Variants in CFAP299 observed in about 807,000 individuals in gnomAD.
CFAP299 encodes cilia- and flagella-associated protein 299.
In CFAP299, 21 loss-of-function variants were observed where a neutral mutation model predicts 27.0. That is an observed-to-expected ratio of 0.78 (90% CI 0.55 to 1.12). The LOEUF is 1.12. CFAP299 is among the 50% of genes most tolerant of loss of function. The probability of loss-of-function intolerance (pLI) is 0.00; values close to 1 mark genes in which losing one functional copy is unlikely to be tolerated. For synonymous variants in CFAP299, 104 were observed against 98.1 expected (o/e 1.06, Z -0.36); for missense variants, 310 against 276.6 (o/e 1.12, Z -0.86).
chr4:80,584,765 A>G (rs199590845), intron 3 of CFAP299, among the ~76,000 whole-genome samples: 1 of 151,836 alleles, frequency 6.6e-6, no homozygotes, highest in Non-Finnish European at 1.5e-5. Flanking sequence ...ATTTTTTTTC[A>G]TCTATTAATT....
intron 4 of CFAP299, among the ~76,000 whole-genome samples, chr4:80,915,072 A>G (rs980040287): frequency 2.6e-5 from 4 of 151,904 alleles, no homozygotes; most frequent in Non-Finnish European, 5.9e-5. Flanking sequence ...TCCCCTAAGC[A>G]CTGCTTTGGT....
intron 3 of CFAP299, among the ~76,000 whole-genome samples, chr4:80,615,753 A>C (rs935072871): frequency 1.3e-5 from 2 of 152,090 alleles, no homozygotes; most frequent in South Asian, 2.1e-4. Context: ...TAATTTATAA[A>C]TTACTTCTAA....
At chr4:80,874,182 T>C (rs1733254987) in intron 4 of CFAP299, among the ~76,000 whole-genome samples, 1 of 152,218 alleles carries the variant, frequency 6.6e-6, no homozygotes, top group Admixed American at 6.5e-5. Context: ...TTTAAAGTTA[T>C]TAATGCTTTT....
At chr4:80,475,104 G>A (rs1269354356) in intron 2 of CFAP299, among the ~76,000 whole-genome samples, 4 of 152,192 alleles carry the variant, frequency 2.6e-5, no homozygotes, top group Non-Finnish European at 5.9e-5. Flanking sequence ...GGGGGGTAGT[G>A]AGAAGGCCAT....
chr4:80,963,489 G>C, intron 5 of CFAP299, 28 bp from the exon 6 acceptor site: 8 of 1,465,338 alleles, frequency 5.5e-6, no homozygotes, highest in Non-Finnish European at 7.5e-6. Flanking sequence ...TTATAGACTT[G>C]ACTAACAATG....
rs140674534 is a variant in CFAP299 at position 80,918,406 on chromosome 4, C to A, written c.477-26404C>A. ...TCATATTTAGCTTATCCTTGTTGAT[C>A]CCAACCTACAAATGACATTTATTCC... On this transcript the variant is annotated intron_variant, in intron 4 of 5. Coordinates refer to ENST00000358105, the MANE Select transcript of CFAP299 (RefSeq NM_152770.3). 3.1e-3 allele frequency among the ~76,000 whole-genome samples: 468 copies of A among 152,188 alleles called. 2 individuals are homozygous for A. The highest frequency in any genetic ancestry group is 0.011 in the African/African-American group (449 of 41,544).
At position 80,921,041 on chromosome 4, in the gene CFAP299, C is replaced by T. The variant is rs193169444; in HGVS notation, c.477-23769C>T. On this transcript the variant is annotated intron_variant, in intron 4 of 5. Transcript: ENST00000358105. ...TGCCTTCTAGTCTAAGTTTTTGTAG[C>T]GTTTCCCACACATTAATTGCCAAAG... Among the ~76,000 whole-genome samples, 59 of 152,128 alleles carry T rather than the reference C, an allele frequency of 3.9e-4. No individual in the cohort carries two copies. In the East Asian group the frequency reaches 5.2e-3, roughly 13 times the overall value.
rs1448746429 is a variant in CFAP299, at chr4:80,799,774, G to GATAT, written c.334-70212_334-70209dup. 5.0e-3 allele frequency among the ~76,000 whole-genome samples: 146 copies of GATAT among 29,122 alleles called. 10 individuals carry two copies. Among genetic ancestry groups the GATAT allele is most frequent in the African/African-American group, 0.02 (123 of 6,060 alleles). The allele number at this position is 29,122 out of a possible 152,430, so 19.1% of individuals were successfully genotyped here. On this transcript the variant is annotated intron_variant, in intron 3 of 5. Transcript: ENST00000358105. ...TATATAATATATAAATATATTATAT[G>GATAT]ATATATATATTATATATTATATTAT...
intron 2 of CFAP299, among the ~76,000 whole-genome samples, chr4:80,551,584 A>G (rs1734514130): frequency 6.6e-6 from 1 of 152,164 alleles, no homozygotes; most frequent in African/African-American, 2.4e-5. Flanking sequence ...AGTAAGATAT[A>G]TAATAGTACC....
intron 3 of CFAP299, among the ~76,000 whole-genome samples, chr4:80,761,049 TG>T (rs1454942341): frequency 6.6e-6 from 1 of 152,222 alleles, no homozygotes; most frequent in Non-Finnish European, 1.5e-5. Flanking sequence ...GGGCTATAAA[TG>T]TATTTAAATT....
At chr4:80,692,636 G>C (rs1438052402) in intron 3 of CFAP299, among the ~76,000 whole-genome samples, 1 of 152,090 alleles carries the variant, frequency 6.6e-6, no homozygotes, top group Non-Finnish European at 1.5e-5. Context: ...ATAGGCATGG[G>C]CAAGGACTTC....
chr4:80,957,015 T>C (rs191155529), intron 5 of CFAP299, among the ~76,000 whole-genome samples: 1 of 152,294 alleles, frequency 6.6e-6, no homozygotes, highest in East Asian at 1.9e-4. Context: ...ATTCCTATAC[T>C]AGAATCAGGA....
intron 5 of CFAP299, among the ~76,000 whole-genome samples, chr4:80,950,259 C>G (rs958863340): frequency 2.6e-5 from 4 of 151,614 alleles, no homozygotes; most frequent in Admixed American, 6.6e-5. Context: ...CTCCACCCCC[C>G]CCCTTTCTCA....
intron 2 of CFAP299, among the ~76,000 whole-genome samples, chr4:80,497,609 C>G (rs1731519970): frequency 1.3e-5 from 2 of 151,988 alleles, no homozygotes; most frequent in Non-Finnish European, 2.9e-5. Flanking sequence ...TTTTTTTACC[C>G]TACATTTTTT....
intron 2 of CFAP299, among the ~76,000 whole-genome samples, chr4:80,430,625 C>G (rs1387954601): frequency 1.3e-5 from 2 of 152,122 alleles, no homozygotes; most frequent in Non-Finnish European, 2.9e-5. Context: ...AATCAGATCT[C>G]TCCCCTAAAC....
rs116270431 is a variant in CFAP299, at chr4:80,503,338, G to C, written c.243-79755G>C. 1.1e-3 allele frequency among the ~76,000 whole-genome samples: 169 copies of C among 152,080 alleles called. 1 individual carries two copies. Among genetic ancestry groups the C allele is most frequent in the African/African-American group, 3.8e-3 (156 of 41,490 alleles). On this transcript the variant is annotated intron_variant, in intron 2 of 5. Transcript: ENST00000358105. ...TTGTTGTCTTCTATTCTCTTTGCCT[G>C]GATTGTCTTCCTCCTCTATTTTTTT...
At chr4:80,782,655 TAATATATTCATATATAATATACATATATG>T in intron 3 of CFAP299, among the ~76,000 whole-genome samples, 1 of 125,678 alleles carries the variant, frequency 8.0e-6, no homozygotes, top group Non-Finnish European at 1.7e-5. Flanking sequence ...TATGAATATA[TAATATATTCATATATAATATACATATATG>T]AATATATAAT....
intron 3 of CFAP299, among the ~76,000 whole-genome samples, chr4:80,699,259 C>T (rs1375507144): frequency 1.3e-5 from 2 of 152,156 alleles, no homozygotes. Context: ...AAAGGTTCTG[C>T]ACTTGCTTTA....
intron 2 of CFAP299, among the ~76,000 whole-genome samples, chr4:80,492,224 A>G (rs1039645232): frequency 7.2e-5 from 11 of 152,310 alleles, no homozygotes; most frequent in South Asian, 2.1e-4. Context: ...TCTAACGTCT[A>G]TAAAACCAAG....
Sources: gnomAD v4.1 joint callset for allele counts (sites outside exome capture counted in the v4.1 genomes callset) on GRCh38, gnomAD v4.1.1 for gene constraint, MANE v1.5 for transcripts, NCBI Gene and HGNC (gene_info 2026-07-23, HGNC 2026-07-21) for gene names.